MED23: variants seen among roughly 807,000 people sequenced by gnomAD.
MED23 encodes the protein mediator complex subunit 23.
MED23 carries 105 observed loss-of-function variants against 163.9 expected under a neutral mutation model. The ratio of observed to expected loss-of-function variants is 0.64; its 90% CI spans 0.55 to 0.75. The LOEUF (loss-of-function observed/expected upper bound fraction) is 0.75, where lower values mean the gene tolerates loss of function less well. MED23 is among the 30% of genes least tolerant of loss of function. The pLI is 0.00. For synonymous variants in MED23, 561 were observed against 565.6 expected, an observed-to-expected ratio of 0.99 and a Z score of 0.12; for missense variants, 1,054 against 1,649.0, an observed-to-expected ratio of 0.64 and a Z score of 6.25.
At chr6:131,616,589 T>C (rs1253820990) in intron 9 of MED23, among the ~76,000 whole-genome samples, 2 of 152,034 alleles carry the variant, frequency 1.3e-5, no homozygotes, top group African/African-American at 4.8e-5. Flanking sequence ...GAGGCCAAGA[T>C]GGGAAGATCT....
intron 11 of MED23, among the ~76,000 whole-genome samples, chr6:131,609,506 CTTTTTTTTTTT>C (rs71030751): frequency 1.0e-5 from 1 of 98,022 alleles, no homozygotes; most frequent in Non-Finnish European, 1.9e-5. Flanking sequence ...GAGACTATTC[CTTTTTTTTTTT>C]TTTTTTTTTT....
At chr6:131,627,283 C>G (rs534785274) in intron 3 of MED23, 113 bp downstream of exon 3, 1 of 786,580 alleles carries the variant, frequency 1.3e-6, no homozygotes, top group South Asian at 1.5e-5. Flanking sequence ...TTTATTTCTC[C>G]CTTCTCAGGA....
At chr6:131,580,526 T>C (rs1773865140) in intron 30 of MED23, among the ~76,000 whole-genome samples, 1 of 152,202 alleles carries the variant, frequency 6.6e-6, no homozygotes, top group Admixed American at 6.5e-5. Context: ...AAAACCGCAA[T>C]ACTTTTGCAC....
downstream of MED23, chr6:131,584,284 T>C (rs779162184): frequency 2.9e-5 from 6 of 209,672 alleles, no homozygotes; most frequent in Non-Finnish European, 5.8e-5. Flanking sequence ...TGTGTCCATG[T>C]CATTCAAAAA....
chr6:131,627,890 A>G (rs1413679803), intron 1 of MED23, 121 bp downstream of exon 1: 1 of 1,345,704 alleles, frequency 7.4e-7, no homozygotes, highest in Non-Finnish European at 1.1e-6. Flanking sequence ...CTCGGTGTCA[A>G]AACAAGGGAA....
chr6:131,602,410 T>A, intron 16 of MED23, 29 bp from the exon 17 acceptor site: 1 of 1,603,124 alleles, frequency 6.2e-7, no homozygotes, highest in Non-Finnish European at 8.5e-7. Flanking sequence ...AAAAGAAATG[T>A]AAAAAAATTT....
chr6:131,588,946 G>T (rs1198671687), intron 28 of MED23, among the ~76,000 whole-genome samples: 1 of 152,138 alleles, frequency 6.6e-6, no homozygotes, highest in Non-Finnish European at 1.5e-5. Context: ...AAATGCTGAG[G>T]TCATAAATAA....
chr6:131,588,625 C>T (rs1027916709), intron 28 of MED23, among the ~76,000 whole-genome samples: 55 of 152,318 alleles, frequency 3.6e-4, no homozygotes, highest in African/African-American at 1.3e-3. Flanking sequence ...CTCTTTGACA[C>T]TGCTGCTGAG....
rs1774219435 is a variant in MED23, at chr6:131,586,916, T to C, written c.*763A>G. On this transcript the variant is annotated 3_prime_UTR_variant, in exon 29 of 29. Transcript: ENST00000368068. ...TTATAAAAATTGAAGAATTACATCA[T>C]CTGTCAGGTGAGAGTGTCAACCTGC... 1.4e-6 allele frequency: 2 copies of C among 1,457,298 alleles called. No individual in the cohort carries two copies. Among genetic ancestry groups the C allele is most frequent in the South Asian group, 1.4e-5 (1 of 73,828 alleles). 90.3% of individuals were successfully genotyped at this position (1,457,298 alleles called of 1,614,324 possible).
At chr6:131,627,860 T>G in intron 1 of MED23, 151 bp downstream of exon 1, 6 of 1,153,850 alleles carry the variant, frequency 5.2e-6, no homozygotes, top group Non-Finnish European at 7.8e-6. Flanking sequence ...TGAGAATCAC[T>G]AAACTTCCCC....
chr6:131,581,278 G>A lies in MED23; in HGVS notation c.4095+6431C>T, dbSNP rs104893947. On this transcript the variant is annotated intron_variant, in intron 30 of 30. Coordinates refer to the MED23 transcript ENST00000354577. Reference sequence around the variant, plus strand: ...GTCCACCCTGATCTTGGAGTCATCTGGGTGGATGCTCACACTGATATCAAC... The same window carrying A: ...GTCCACCCTGATCTTGGAGTCATCTAGGTGGATGCTCACACTGATATCAAC... 2.5e-6 allele frequency: 4 copies of A among 1,613,778 alleles called. No homozygotes were observed. The African/African-American group carries it at 5.3e-5, about 22-fold the overall frequency.
chr6:131,599,964 T>C, intron 18 of MED23, 74 bp downstream of exon 18: 1 of 1,543,184 alleles, frequency 6.5e-7, no homozygotes, highest in Non-Finnish European at 9.0e-7. Context: ...TCACCAAGAC[T>C]CACTCTAGAA....
chr6:131,626,676 T>G (rs1777526115), intron 3 of MED23, among the ~76,000 whole-genome samples: 1 of 152,206 alleles, frequency 6.6e-6, no homozygotes, highest in Non-Finnish European at 1.5e-5. Flanking sequence ...CCTGTGCATT[T>G]TGAACCATAT....
intron 26 of MED23, among the ~76,000 whole-genome samples, chr6:131,590,731 T>C (rs998410584): frequency 2.0e-5 from 3 of 151,880 alleles, no homozygotes; most frequent in Non-Finnish European, 4.4e-5. Flanking sequence ...TGGGTTCAAG[T>C]GATTCTCCTG....
At chr6:131,582,796 G>C, downstream of MED23, 2 of 1,210,120 alleles carry the variant, frequency 1.7e-6, no homozygotes, top group South Asian at 1.2e-5. Context: ...AACTCTATGA[G>C]AGAAAATTAA....
intron 1 of MED23, 47 bp from the exon 2 acceptor site, chr6:131,627,719 A>T: frequency 6.4e-7 from 1 of 1,560,632 alleles, no homozygotes; most frequent in Non-Finnish European, 8.7e-7. Flanking sequence ...AATTTTAAAA[A>T]GGCGCCTCCC....
chr6:131,615,887 T>C lies in MED23; in HGVS notation c.876+20A>G. The C allele has an allele frequency of 6.4e-7, 1 of 1,564,954 alleles. No individual in the cohort carries two copies. The highest frequency in any genetic ancestry group is 1.1e-5 in the South Asian group (1 of 90,086). On this transcript the variant is annotated intron_variant, in intron 10 of 28. Transcript: ENST00000368068. Reference sequence around the variant, plus strand: ...CAGATTCTATGCAGAATTTACTAGGTTTCCAGCATAGTACAGTACCTGCTT... The same window carrying C: ...CAGATTCTATGCAGAATTTACTAGGCTTCCAGCATAGTACAGTACCTGCTT...
intron 11 of MED23, among the ~76,000 whole-genome samples, chr6:131,609,543 C>T (rs755597969): frequency 4.0e-4 from 53 of 132,854 alleles, no homozygotes; most frequent in South Asian, 9.9e-4. Flanking sequence ...CACAGAGTCT[C>T]GCTCTGTCGC....
At chr6:131,592,891 A>T in intron 24 of MED23, 115 bp downstream of exon 24, 4 of 1,203,462 alleles carry the variant, frequency 3.3e-6, no homozygotes, top group Non-Finnish European at 4.8e-6. Context: ...GAAAACAGTC[A>T]TCATCCAATG....
Sources: allele counts gnomAD v4.1 joint callset (sites outside exome capture counted in the v4.1 genomes callset), GRCh38; gene constraint gnomAD v4.1.1; transcripts MANE v1.5; gene names NCBI Gene and HGNC (gene_info 2026-07-23, HGNC 2026-07-21).